Variants in FAM193A observed in about 807,000 individuals in gnomAD.
The protein encoded by FAM193A is family with sequence similarity 193 member A.
In FAM193A, 22 loss-of-function variants were observed where a neutral mutation model predicts 126.5. The observed-to-expected ratio is 0.17, with a 90% CI of 0.12 to 0.25. The LOEUF is 0.25. Among genes scored for constraint, FAM193A ranks in the 10% least tolerant of loss-of-function variants. The pLI is 1.00. For missense variants in FAM193A, 1,675 were observed against 1,672.8 expected (o/e 1.00, Z -0.02); for synonymous variants, 761 against 646.8 (o/e 1.18, Z -2.68).
rs764638647 is a variant in FAM193A, at chr4:2,700,560, C to T, written c.4372+16C>T. 1.1e-5 allele frequency: 18 copies of T among 1,597,382 alleles called. No individual in the cohort carries two copies. Among genetic ancestry groups the T allele is most frequent in the South Asian group, 9.0e-5 (8 of 88,786 alleles). ...AATTCAATTGGTAAATACAGAATAG[C>T]GGGAAGGTATTTCTGAGCGATGCCT... On this transcript the variant is annotated intron_variant, in intron 19 of 20. Coordinates refer to ENST00000637812, the MANE Select transcript of FAM193A (RefSeq NM_001366318.2).
At chr4:2,611,368 A>G (rs946299798) in intron 2 of FAM193A, among the ~76,000 whole-genome samples, 1 of 152,124 alleles carries the variant, frequency 6.6e-6, no homozygotes, top group African/African-American at 2.4e-5. Flanking sequence ...TCCCAGGTTC[A>G]AGCAGTTCTC....
intron 1 of FAM193A, among the ~76,000 whole-genome samples, chr4:2,585,635 T>C (rs1740190600): frequency 6.6e-6 from 1 of 152,212 alleles, no homozygotes; most frequent in African/African-American, 2.4e-5. Context: ...ATAGAAGTTT[T>C]AAATTTTAGG....
chr4:2,610,964 C>G (rs1001006952), intron 2 of FAM193A, among the ~76,000 whole-genome samples: 1 of 152,162 alleles, frequency 6.6e-6, no homozygotes, highest in Non-Finnish European at 1.5e-5. Flanking sequence ...CTCAAACTTA[C>G]AACCTCAGGT....
intron 20 of FAM193A, among the ~76,000 whole-genome samples, chr4:2,723,667 G>T (rs908057040): frequency 2.6e-5 from 4 of 152,128 alleles, no homozygotes; most frequent in African/African-American, 9.7e-5. Context: ...TAAAACACTT[G>T]ATATCAAAAT....
In FAM193A at chr4:2,727,633, A is replaced by G. The variant is rs1237930661; in HGVS notation, c.4455-4142A>G. ...ATACCCATTTGTCATCTTTTCTACT[A>G]AAGGAAACTAAAATATTGCTCTCTC... is the stretch of plus-strand genomic sequence containing the variant. On this transcript the variant is annotated intron_variant, in intron 20 of 20. Coordinates refer to ENST00000637812, the MANE Select transcript of FAM193A (RefSeq NM_001366318.2). 2.6e-5 allele frequency among the ~76,000 whole-genome samples: 4 copies of G among 152,316 alleles called. No individual in the cohort carries two copies. The East Asian group carries it at 7.7e-4, about 29-fold the overall frequency.
chr4:2,641,325 G>A (rs891728218), intron 6 of FAM193A, among the ~76,000 whole-genome samples: 1 of 151,836 alleles, frequency 6.6e-6, no homozygotes, highest in Admixed American at 6.6e-5. Context: ...AGGATTACAG[G>A]CATGACCCAC....
intron 20 of FAM193A, among the ~76,000 whole-genome samples, chr4:2,716,805 T>G (rs1719588943): frequency 6.6e-6 from 1 of 152,042 alleles, no homozygotes; most frequent in East Asian, 1.9e-4. Context: ...GCCTCCAGAC[T>G]AGCTGGGATT....
At chr4:2,662,758 A>G in intron 10 of FAM193A, 80 bp from the exon 11 acceptor site, 2 of 1,099,050 alleles carry the variant, frequency 1.8e-6, no homozygotes, top group Non-Finnish European at 2.7e-6. Flanking sequence ...TGTCCAGGAA[A>G]TATCTGTGCT....
In FAM193A at chr4:2,732,130, C is replaced by G; in HGVS notation, c.*262C>G. 1 of 501,962 alleles carries G rather than the reference C, an allele frequency of 2.0e-6. No individual in the cohort carries two copies. The highest frequency in any genetic ancestry group is 2.1e-5 in the South Asian group (1 of 46,986). 31.1% of individuals were successfully genotyped at this position (501,962 alleles called of 1,614,324 possible). ...TAGTTCCCGCCAAGTCCTCCCACCA[C>G]CGCGGCCTCGGAGGCCTGGGCCGTG... On this transcript the variant is annotated 3_prime_UTR_variant, in exon 21 of 21. Transcript: ENST00000637812.
intron 2 of FAM193A, among the ~76,000 whole-genome samples, chr4:2,607,178 G>C (rs1363867453): frequency 6.6e-6 from 1 of 152,200 alleles, no homozygotes; most frequent in African/African-American, 2.4e-5. Context: ...GAAGACTTGT[G>C]CTCAGGGGTT....
intron 2 of FAM193A, among the ~76,000 whole-genome samples, chr4:2,619,572 T>A (rs1742417207): frequency 6.6e-6 from 1 of 152,178 alleles, no homozygotes; most frequent in South Asian, 2.1e-4. Flanking sequence ...TTCCTCATGT[T>A]GGCCAGGCTG....
intron 1 of FAM193A, among the ~76,000 whole-genome samples, chr4:2,559,664 ACT>A (rs1738481311): frequency 6.6e-6 from 1 of 151,910 alleles, no homozygotes; most frequent in Non-Finnish European, 1.5e-5. Context: ...CTGTGAACAC[ACT>A]CTGCTGCTTC....
chr4:2,620,714 T>TGGC lies in FAM193A; in HGVS notation c.502-4546_502-4545insCGG, dbSNP rs951245848. 1.1e-4 allele frequency among the ~76,000 whole-genome samples: 16 copies of TGGC among 148,268 alleles called. No individual in the cohort carries two copies. In the South Asian group the frequency reaches 3.4e-3, roughly 32 times the overall value. Reference sequence around the variant, plus strand: ...AAATACAAAAATTAGCCAGGGGTGGTGGTGGGCTCCCGTAATCCCAGCTAC... The same window carrying TGGC: ...AAATACAAAAATTAGCCAGGGGTGGTGGCGGTGGGCTCCCGTAATCCCAGCTAC... On this transcript the variant is annotated intron_variant, in intron 2 of 20. Transcript: ENST00000637812.
chr4:2,599,258 T>C (rs542358340), intron 2 of FAM193A, among the ~76,000 whole-genome samples: 2 of 152,264 alleles, frequency 1.3e-5, no homozygotes, highest in African/African-American at 2.4e-5. Context: ...CCTTCCACTT[T>C]CCTTCCTCTG....
At chr4:2,571,007 G>A (rs1739262445) in intron 1 of FAM193A, among the ~76,000 whole-genome samples, 1 of 152,128 alleles carries the variant, frequency 6.6e-6, no homozygotes, top group South Asian at 2.1e-4. Flanking sequence ...AGTGGGTGGG[G>A]GTGTGGGCAG....
rs745527851 is a variant in FAM193A, at chr4:2,696,352, GT to G, written c.3277-6del. On this transcript the variant is annotated splice_polypyrimidine_tract_variant and intron_variant, in intron 17 of 20. Transcript: ENST00000637812. ...TTTAAAACTTAAGCATAACTTTGTT[GT>G]TTTTCTCAGCCTCCAGCTGCACCAA... 320 of 1,586,970 alleles carry G rather than the reference GT, an allele frequency of 2.0e-4. No individual in the cohort carries two copies. In the South Asian group the frequency reaches 3.5e-3, roughly 17 times the overall value.
chr4:2,604,773 T>A (rs1225785650), intron 2 of FAM193A, among the ~76,000 whole-genome samples: 1 of 150,626 alleles, frequency 6.6e-6, no homozygotes, highest in Non-Finnish European at 1.5e-5. Context: ...AGTCTGCTTT[T>A]TTTCTTTTTT....
At chr4:2,689,887 G>C (rs1338104483) in intron 14 of FAM193A, among the ~76,000 whole-genome samples, 183 bp downstream of exon 14, 1 of 152,200 alleles carries the variant, frequency 6.6e-6, no homozygotes, top group Non-Finnish European at 1.5e-5. Flanking sequence ...TCTGCCACCA[G>C]TCGGTCCCAC....
rs1363216518 is a variant in FAM193A at position 2,695,044 on chromosome 4, A to G, written c.3191A>G (p.His1064Arg). 1 of 1,610,464 alleles carries G rather than the reference A, an allele frequency of 6.2e-7. No individual in the cohort carries two copies. The highest frequency in any genetic ancestry group is 8.5e-7 in the Non-Finnish European group (1 of 1,178,564). ...GCAGATGAGGACAGCTGCTCTGAGC[A>G]CAGCTCCAGCACCTCGACCTCCACC... Reference protein sequence around the residue: ...ESADEDSCSEHSSSTSTSTNQ... With the variant: ...ESADEDSCSERSSSTSTSTNQ... Residue 1064 changes from histidine to arginine, a missense_variant, in exon 17 of 21, where the codon CAC (histidine) becomes CGC (arginine). By Grantham distance (29) the His-to-Arg change is conservative. Coordinates refer to ENST00000637812, the MANE Select transcript of FAM193A (RefSeq NM_001366318.2).
Sources: gnomAD v4.1 joint callset for allele counts (sites outside exome capture counted in the v4.1 genomes callset) on GRCh38, gnomAD v4.1.1 for gene constraint, MANE v1.5 for transcripts, NCBI Gene and HGNC (gene_info 2026-07-23, HGNC 2026-07-21) for gene names.